The following VPS11 variants were observed in gnomAD, a reference collection of about 807,000 sequenced individuals.
VPS11 encodes VPS11 core subunit of CORVET and HOPS complexes, also known as vacuolar protein sorting-associated protein 11 homolog.
VPS11 carries 51 observed loss-of-function variants against 106.8 expected under a neutral mutation model. The observed-to-expected ratio is 0.48, with a 90% CI of 0.38 to 0.60. VPS11 has a LOEUF of 0.60. Ranked by LOEUF, VPS11 falls within the 20% of genes least tolerant of loss-of-function variation. VPS11 has a pLI of 0.00. For synonymous variants in VPS11, 453 were observed against 458.7 expected, an observed-to-expected ratio of 0.99 and a Z score of 0.16; for missense variants, 950 against 1,190.0, an observed-to-expected ratio of 0.80 and a Z score of 2.97.
At chr11:119,068,278 A>G (rs1342480990) in intron 1 of VPS11, 1 of 405,164 alleles carries the variant, frequency 2.5e-6, no homozygotes, top group East Asian at 3.5e-5. Flanking sequence ...GACGAGGTTA[A>G]TTTGAGATCA....
At position 119,073,227 on chromosome 11, in the gene VPS11, G is replaced by A; in HGVS notation, c.914G>A (p.Ser305Asn). 6.2e-7 allele frequency: 1 copy of A among 1,613,598 alleles called. No individual in the cohort carries two copies. The highest frequency in any genetic ancestry group is 1.7e-5 in the Admixed American group (1 of 59,912). The change falls in exon 6 of 16, where the codon AGC becomes AAC. Residue 305 changes from serine to asparagine, a missense_variant. Ser to Asn is a conservative substitution (Grantham distance 46). This residue lies in a region of VPS11 where 435 missense variants were observed against 630.2 expected (regional missense o/e 0.69). Coordinates refer to ENST00000621676, the MANE Select transcript of VPS11 (RefSeq NM_021729.6). Reference sequence around the variant, plus strand: ...GAGTTTACCAGCAGGGATTCACAGAGCTCCGACAAGCAGATTCTAAACATC... The same window carrying A: ...GAGTTTACCAGCAGGGATTCACAGAACTCCGACAAGCAGATTCTAAACATC... ...KSEFTSRDSQ[S>N]SDKQILNIYD...
Position 119,073,367 on chromosome 11 carries a change from C to T in VPS11, c.1054C>T (p.Leu352=). Reference sequence around the variant, plus strand: ...GACGCGGGATGGGCGGGTCCACGCACTGCAGGAGAAGGACACACAGACCAA... The same window carrying T: ...GACGCGGGATGGGCGGGTCCACGCATTGCAGGAGAAGGACACACAGACCAA... ...VLTRDGRVHA[L]QEKDTQTKLE... Residue 352 remains leucine, a synonymous_variant, in exon 6 of 16, where the codon CTG becomes TTG. Coordinates refer to ENST00000621676, the MANE Select transcript of VPS11 (RefSeq NM_021729.6). 1.2e-6 allele frequency: 2 copies of T among 1,613,522 alleles called. No individual in the cohort carries two copies. The highest frequency in any genetic ancestry group is 1.7e-6 in the Non-Finnish European group (2 of 1,179,884).
intron 5 of VPS11, chr11:119,072,957 G>A (rs1945455698): frequency 1.8e-6 from 1 of 544,196 alleles, no homozygotes; most frequent in African/African-American, 1.9e-5. Flanking sequence ...GAATGGATAT[G>A]TTAGTGTACT....
intron 6 of VPS11, 78 bp from the exon 7 acceptor site, chr11:119,073,722 G>A: frequency 6.7e-7 from 1 of 1,487,712 alleles, no homozygotes; most frequent in Non-Finnish European, 9.2e-7. Context: ...TTTCTGTTTT[G>A]TGTGTTGTGC....
intron 5 of VPS11, 110 bp downstream of exon 5, chr11:119,071,953 G>C: frequency 1.4e-6 from 2 of 1,401,572 alleles, no homozygotes; most frequent in East Asian, 4.6e-5. Context: ...CTCCTACTCC[G>C]GTGTTATGTA....
chr11:119,068,721 C>T (rs1163941153), intron 1 of VPS11, among the ~76,000 whole-genome samples: 1 of 151,304 alleles, frequency 6.6e-6, no homozygotes, highest in Non-Finnish European at 1.5e-5. Context: ...GCTGGGATTA[C>T]AGGAGTGAGC....
chr11:119,071,020 C>G, intron 4 of VPS11, among the ~76,000 whole-genome samples: 1 of 151,580 alleles, frequency 6.6e-6, no homozygotes, highest in Non-Finnish European at 1.5e-5. Flanking sequence ...CCTCTGCCTC[C>G]TGGGCTCAAG....
At chr11:119,068,347 C>T (rs2133641700) in intron 1 of VPS11, 3 of 399,188 alleles carry the variant, frequency 7.5e-6, no homozygotes, top group African/African-American at 2.1e-5. Context: ...ACATGATTTC[C>T]CCTGCCCTAA....
intron 5 of VPS11, chr11:119,072,092 AATAG>A (rs782035623): frequency 5.3e-5 from 21 of 399,310 alleles, no homozygotes; most frequent in Non-Finnish European, 9.3e-5. Flanking sequence ...CAGCCTCCTG[AATAG>A]CTGGGATTAC....
chr11:119,078,772 G>A (rs782517597), intron 12 of VPS11, 23 bp from the exon 13 acceptor site: 3 of 1,611,016 alleles, frequency 1.9e-6, no homozygotes, highest in South Asian at 2.2e-5. Flanking sequence ...AGCCACTGAG[G>A]TGTGCCCTTG....
chr11:119,081,819 T>TGCTAGTGAAG lies in VPS11; in HGVS notation c.*196_*197insGCTAGTGAAG. ...TCAGCTTGCCATCCCTCCTCTTCAC[T>TGCTAGTGAAG]AGCAGTGTAGATCATTCCAGATCAG... On this transcript the variant is annotated 3_prime_UTR_variant, in exon 16 of 16. Coordinates refer to ENST00000621676, the MANE Select transcript of VPS11 (RefSeq NM_021729.6). 1 of 713,598 alleles carries TGCTAGTGAAG rather than the reference T, an allele frequency of 1.4e-6. No homozygotes were observed. Among genetic ancestry groups the TGCTAGTGAAG allele is most frequent in the Non-Finnish European group, 2.3e-6 (1 of 441,606 alleles). 44.2% of individuals were successfully genotyped at this position (713,598 alleles called of 1,614,324 possible).
chr11:119,070,121 T>C, intron 3 of VPS11, 113 bp from the exon 4 acceptor site: 1 of 1,003,558 alleles, frequency 1.0e-6, no homozygotes, highest in East Asian at 2.7e-5. Context: ...ATTAGAGAGG[T>C]TGGGTATATG....
intron 7 of VPS11, among the ~76,000 whole-genome samples, chr11:119,074,877 C>T (rs1157686020): frequency 6.6e-6 from 1 of 152,144 alleles, no homozygotes; most frequent in Non-Finnish European, 1.5e-5. Context: ...TGACCTGGTT[C>T]TTTAAGGGGG....
rs2133638962 is a variant in VPS11 at position 119,067,838 on chromosome 11, G to A, written c.15G>A (p.Leu5=). Residue 5 remains leucine, a synonymous_variant, in exon 1 of 16, where the codon CTG becomes CTA. Transcript: ENST00000621676. The part of the protein sequence containing the change: MAAY[L]QWRRFVFFDK... ...CCTGGGCCAAAATGGCGGCCTACCT[G>A]CAGTGGCGGCGCTTCGTTTTCTTCG... is the stretch of plus-strand genomic sequence containing the variant. 1.3e-6 allele frequency: 2 copies of A among 1,550,426 alleles called. No individual in the cohort carries two copies. Among genetic ancestry groups the A allele is most frequent in the East Asian group, 2.4e-5 (1 of 41,226 alleles).
chr11:119,080,420 G>A (rs530050190), intron 14 of VPS11, among the ~76,000 whole-genome samples: 1 of 151,500 alleles, frequency 6.6e-6, no homozygotes, highest in African/African-American at 2.4e-5. Flanking sequence ...CCACGCTGGA[G>A]TGTGATGGCG....
intron 1 of VPS11, 79 bp from the exon 2 acceptor site, chr11:119,069,117 T>C (rs1422031368): frequency 6.4e-7 from 1 of 1,561,358 alleles, no homozygotes; most frequent in Admixed American, 1.8e-5. Flanking sequence ...TAGAGTTATA[T>C]ACATGTAATT....
Position 119,078,878 on chromosome 11 carries a change from A to G in VPS11, c.2147A>G (p.Asp716Gly). 1 of 1,613,864 alleles carries G rather than the reference A, an allele frequency of 6.2e-7. No individual in the cohort carries two copies. The highest frequency in any genetic ancestry group is 2.2e-5 in the East Asian group (1 of 44,880). The change falls in exon 13 of 16, where the codon GAC becomes GGC. Residue 716 changes from aspartate to glycine, a missense_variant. Physicochemically the swap from Asp to Gly is moderately conservative, Grantham distance 94. Coordinates refer to ENST00000621676, the MANE Select transcript of VPS11 (RefSeq NM_021729.6). Reference sequence around the variant, plus strand: ...GTGTGTGAGCGCCATGGGGAGCAGGACCCCTCCTTGTGGGAGCAGGCCCTC... The same window carrying G: ...GTGTGTGAGCGCCATGGGGAGCAGGGCCCCTCCTTGTGGGAGCAGGCCCTC... ...ISVCERHGEQ[D>G]PSLWEQALSY...
intron 10 of VPS11, 25 bp downstream of exon 10, chr11:119,078,091 C>T (rs1945700457): frequency 3.1e-6 from 5 of 1,609,394 alleles, no homozygotes; most frequent in Non-Finnish European, 3.4e-6. Context: ...AAAAGAGCTT[C>T]AGACTGTGGG....
Position 119,077,901 on chromosome 11 carries a change from C to A in VPS11, c.1596C>A (p.Tyr532Ter). The stretch of plus-strand genomic sequence containing the variant: ...AGAATTATCAGGAAGCCCTTCGATA[C>A]ATCGGCAAGCTGCCTTTTGAGCAGG... The part of the protein sequence containing the change: ...DIKNYQEALR[Y>*]IGKLPFEQAE... Residue 532 changes from tyrosine to a stop codon, truncating the protein, a stop_gained, in exon 10 of 16, where the codon TAC (tyrosine) becomes TAA (stop). Coordinates refer to ENST00000621676, the MANE Select transcript of VPS11 (RefSeq NM_021729.6). LOFTEE classifies it high-confidence loss of function. The A allele has an allele frequency of 6.2e-7, 1 of 1,614,078 alleles. No individual in the cohort carries two copies. Among genetic ancestry groups the A allele is most frequent in the Non-Finnish European group, 8.5e-7 (1 of 1,179,904 alleles).
Sources: gnomAD v4.1 joint callset for allele counts (sites outside exome capture counted in the v4.1 genomes callset) on GRCh38, gnomAD v4.1.1 for gene constraint, gnomAD v4.1.1 regional missense constraint, MANE v1.5 for transcripts, NCBI Gene and HGNC (gene_info 2026-07-23, HGNC 2026-07-21) for gene names.